The following RCAN3 variants were observed in gnomAD, a reference collection of about 807,000 sequenced individuals.
RCAN3 encodes the protein regulator of calcineurin 3.
In RCAN3, 19 loss-of-function variants were observed where a neutral mutation model predicts 21.9. The ratio of observed to expected loss-of-function variants is 0.87; its 90% CI spans 0.61 to 1.27. The LOEUF (loss-of-function observed/expected upper bound fraction) is 1.27. RCAN3 is among the 50% of genes most tolerant of loss of function. The pLI, the probability that RCAN3 is intolerant of heterozygous loss-of-function variation, is 0.00. For missense variants in RCAN3, 240 were observed against 300.1 expected, an observed-to-expected ratio of 0.80 and a Z score of 1.48; for synonymous variants, 114 against 112.3, an observed-to-expected ratio of 1.01 and a Z score of -0.09.
chr1:24,516,231 G>A (rs981105865), intron 2 of RCAN3, among the ~76,000 whole-genome samples: 2 of 152,136 alleles, frequency 1.3e-5, no homozygotes, highest in African/African-American at 2.4e-5. Context: ...TTGGGAGGCT[G>A]TGGCGGGCAG....
At chr1:24,526,570 T>C (rs909391124) in intron 2 of RCAN3, among the ~76,000 whole-genome samples, 2 of 152,202 alleles carry the variant, frequency 1.3e-5, no homozygotes, top group Non-Finnish European at 2.9e-5. Context: ...TGTCATACGA[T>C]GCGTTGGTAC....
chr1:24,514,848 A>G (rs1046030565), intron 2 of RCAN3, among the ~76,000 whole-genome samples: 1 of 152,010 alleles, frequency 6.6e-6, no homozygotes, highest in African/African-American at 2.4e-5. Flanking sequence ...GCGCGCCTGT[A>G]ATCCCAGCTA....
intron 2 of RCAN3, among the ~76,000 whole-genome samples, chr1:24,519,443 T>C (rs573271551): frequency 1.3e-5 from 2 of 152,246 alleles, no homozygotes; most frequent in East Asian, 3.9e-4. Flanking sequence ...AATGGGACTG[T>C]TTTTTTCTGC....
chr1:24,534,900 A>G (rs986204318), intron 4 of RCAN3, among the ~76,000 whole-genome samples, 193 bp from the exon 5 acceptor site: 1 of 152,228 alleles, frequency 6.6e-6, no homozygotes, highest in Non-Finnish European at 1.5e-5. Flanking sequence ...CTGAAACAAC[A>G]TTTTATACAA....
intron 1 of RCAN3, among the ~76,000 whole-genome samples, chr1:24,511,660 T>C (rs1239245824): frequency 6.6e-6 from 1 of 152,042 alleles, no homozygotes; most frequent in Non-Finnish European, 1.5e-5. Context: ...GATAAAACAA[T>C]AGTGAAAAAA....
chr1:24,514,637 C>G, intron 2 of RCAN3, 70 bp downstream of exon 2: 1 of 1,430,278 alleles, frequency 7.0e-7, no homozygotes, highest in Non-Finnish European at 9.6e-7. Flanking sequence ...GGAAACAGAG[C>G]TTGACTGGTC....
intron 1 of RCAN3, among the ~76,000 whole-genome samples, chr1:24,512,908 C>T (rs537488626): frequency 6.6e-6 from 1 of 152,260 alleles, no homozygotes; most frequent in African/African-American, 2.4e-5. Flanking sequence ...ACTGTCAGCT[C>T]CAGACATTTG....
rs769487074 is a variant in RCAN3, at chr1:24,514,590, C to A, written c.195+23C>A. 6.2e-6 allele frequency: 10 copies of A among 1,603,534 alleles called. 1 individual carries two copies. The highest frequency in any genetic ancestry group is 1.7e-4 in the Middle Eastern group (1 of 6,024). Reference sequence around the variant, plus strand: ...AAGGTAGGCATCTATCCTCCCTTTCCCTACATTTGTAGCATGTTAAATGTG... The same window carrying A: ...AAGGTAGGCATCTATCCTCCCTTTCACTACATTTGTAGCATGTTAAATGTG... On this transcript the variant is annotated intron_variant, in intron 2 of 4. Transcript: ENST00000374395.
intron 2 of RCAN3, 147 bp downstream of exon 2, chr1:24,514,714 AT>A (rs1648155851): frequency 1.3e-6 from 1 of 746,468 alleles, no homozygotes; most frequent in Non-Finnish European, 2.1e-6. Context: ...CACACCTGTA[AT>A]CCCAGCACTT....
intron 2 of RCAN3, among the ~76,000 whole-genome samples, chr1:24,523,648 A>ATTTTT (rs1553151346): frequency 8.6e-5 from 12 of 139,706 alleles, no homozygotes; most frequent in African/African-American, 3.1e-4. Flanking sequence ...ACACATATAT[A>ATTTTT]TTTTTTTTCT....
At position 24,535,113 on chromosome 1, in the gene RCAN3, G is replaced by A. The variant is rs757331298; in HGVS notation, c.562G>A (p.Ala188Thr). ...LGPGEKYELH[A>T]GTESTPSVVV... Reference sequence around the variant, plus strand: ...TGCAGGAGAGAAATATGAACTTCACGCGGGAACAGAGTCGACACCCAGCGT... The same window carrying A: ...TGCAGGAGAGAAATATGAACTTCACACGGGAACAGAGTCGACACCCAGCGT... The change falls in exon 5 of 5, where the codon GCG (alanine) becomes ACG (threonine). Residue 188 changes from alanine to threonine, a missense_variant. Coordinates refer to ENST00000374395, the MANE Select transcript of RCAN3 (RefSeq NM_013441.4). 3.1e-6 allele frequency: 5 copies of A among 1,595,922 alleles called. No homozygotes were observed. Among genetic ancestry groups the A allele is most frequent in the African/African-American group, 1.4e-5 (1 of 73,478 alleles).
At chr1:24,504,410 C>A (rs1445982746) in intron 1 of RCAN3, among the ~76,000 whole-genome samples, 1 of 152,154 alleles carries the variant, frequency 6.6e-6, no homozygotes, top group African/African-American at 2.4e-5. Flanking sequence ...TCAAGCCATC[C>A]GCCCACCTCT....
Position 24,513,595 on chromosome 1 carries a change from T to C in RCAN3, c.-59-719T>C, listed in dbSNP as rs560054266. Among the ~76,000 whole-genome samples, 20 of 152,220 alleles carry C rather than the reference T, an allele frequency of 1.3e-4. No individual in the cohort carries two copies. In the South Asian group the frequency reaches 3.9e-3, roughly 30 times the overall value. ...TCGCTTGAACCCGGGAGGCGGAGGT[T>C]GCAGTGAGCCGGGATCGCGCCACTG... On this transcript the variant is annotated intron_variant, in intron 1 of 4. Coordinates refer to ENST00000374395, the MANE Select transcript of RCAN3 (RefSeq NM_013441.4).
At chr1:24,529,912 C>T (rs1649608376) in intron 2 of RCAN3, among the ~76,000 whole-genome samples, 1 of 151,032 alleles carries the variant, frequency 6.6e-6, no homozygotes. Flanking sequence ...GGTGTGGTAG[C>T]ACGTGCCTCT....
chr1:24,520,653 A>T (rs1648718411), intron 2 of RCAN3, among the ~76,000 whole-genome samples: 1 of 137,650 alleles, frequency 7.3e-6, no homozygotes, highest in Non-Finnish European at 1.5e-5. Flanking sequence ...TGACACAGGA[A>T]GGGGAACATC....
At chr1:24,527,642 G>C (rs935025035) in intron 2 of RCAN3, among the ~76,000 whole-genome samples, 1 of 152,090 alleles carries the variant, frequency 6.6e-6, no homozygotes, top group Non-Finnish European at 1.5e-5. Context: ...TTGCACTTCA[G>C]GATCAACAGA....
intron 1 of RCAN3, among the ~76,000 whole-genome samples, chr1:24,505,251 T>C (rs1647350611): frequency 7.1e-6 from 1 of 140,808 alleles, no homozygotes; most frequent in South Asian, 2.3e-4. Context: ...TTTTTTTTTT[T>C]TTCTTTTTTT....
Position 24,503,301 on chromosome 1 carries a change from GCGCGACCTCGCCTCC to G in RCAN3, c.-60+170_-60+184del, listed in dbSNP as rs1255808804. Among the ~76,000 whole-genome samples, 61 of 148,614 alleles carry G rather than the reference GCGCGACCTCGCCTCC, an allele frequency of 4.1e-4. No homozygotes were observed. In the East Asian group the frequency reaches 5.6e-3, roughly 14 times the overall value. ...CCGCGGGACCGGGAGATGCTACCGCGCGCGACCTCGCCTCCCGCGACCTCGCCTCCCGCCGCACCC... is the reference window on the plus strand; with the variant it reads ...CCGCGGGACCGGGAGATGCTACCGCGCGCGACCTCGCCTCCCGCCGCACCC... On this transcript the variant is annotated intron_variant, in intron 1 of 4. Coordinates refer to ENST00000374395, the MANE Select transcript of RCAN3 (RefSeq NM_013441.4).
intron 1 of RCAN3, among the ~76,000 whole-genome samples, chr1:24,511,221 G>C (rs1397397580): frequency 6.6e-6 from 1 of 152,162 alleles, no homozygotes; most frequent in Admixed American, 6.5e-5. Flanking sequence ...GCTGAGGCAG[G>C]AGAATCGCTT....
Sources: gnomAD v4.1 joint callset for allele counts (sites outside exome capture counted in the v4.1 genomes callset) on GRCh38, gnomAD v4.1.1 for gene constraint, MANE v1.5 for transcripts, NCBI Gene and HGNC (gene_info 2026-07-23, HGNC 2026-07-21) for gene names.